The following SSR3 variants were observed in gnomAD, a reference collection of about 807,000 sequenced individuals.
SSR3 encodes the protein translocon-associated protein subunit gamma.
Under a neutral mutation model 22.1 loss-of-function variants are expected in SSR3, and 10 were observed. The observed-to-expected ratio is 0.45, with a 90% confidence interval of 0.28 to 0.77. SSR3 has a LOEUF of 0.77. Among genes scored for constraint, SSR3 ranks in the 30% least tolerant of loss-of-function variants. The pLI is 0.13. For missense variants in SSR3, 181 were observed against 220.5 expected (o/e 0.82, Z 1.13); for synonymous variants, 104 against 82.5 (o/e 1.26, Z -1.42).
Position 156,543,280 on chromosome 3 carries a change from T to C in SSR3, c.492-11A>G. 1.2e-6 allele frequency: 2 copies of C among 1,611,300 alleles called. No individual in the cohort carries two copies. The highest frequency in any genetic ancestry group is 2.2e-5 in the South Asian group (2 of 90,830). ...GACAATATGTAGTTCCTGTAAGAAA[T>C]TTAATGTTATGGAAAAATGAGTAAC... On this transcript the variant is annotated splice_polypyrimidine_tract_variant and intron_variant, in intron 4 of 4. Coordinates refer to ENST00000265044, the MANE Select transcript of SSR3 (RefSeq NM_007107.5).
Position 156,540,799 on chromosome 3 carries a change from T to A in SSR3, c.*2404A>T, listed in dbSNP as rs1296300876. On this transcript the variant is annotated 3_prime_UTR_variant, in exon 5 of 5. Transcript: ENST00000265044. ...TCATGGGTGCTGGGTATGTGGTCTTTTTAAGACAAAAATTCTACAGCATGG... is the reference window on the plus strand; with the variant it reads ...TCATGGGTGCTGGGTATGTGGTCTTATTAAGACAAAAATTCTACAGCATGG... 1 of 152,156 alleles carries A rather than the reference T, an allele frequency of 6.6e-6. No individual in the cohort carries two copies. Among genetic ancestry groups the A allele is most frequent in the East Asian group, 1.9e-4 (1 of 5,190 alleles). 9.4% of individuals were successfully genotyped at this position (152,156 alleles called of 1,614,324 possible).
rs533655560 is a variant in SSR3 at position 156,541,476 on chromosome 3, C to T, written c.*1727G>A. The T allele has an allele frequency of 1.6e-4, 24 of 152,128 alleles. No homozygotes were observed. The highest frequency in any genetic ancestry group is 1.4e-3 in the Admixed American group (21 of 15,270). The allele number at this position is 152,128 out of a possible 1,614,324, so 9.4% of individuals were successfully genotyped here. A position where few individuals can be genotyped will look rare whatever the true frequency, so the allele number is the denominator to read the frequency against. On this transcript the variant is annotated 3_prime_UTR_variant, in exon 5 of 5. Coordinates refer to ENST00000265044, the MANE Select transcript of SSR3 (RefSeq NM_007107.5). ...CCTTGCCACCCAGGCAGTAGTAGCA[C>T]GATCTCGACTCACCGCAACCTCTGC...
rs1208934257 is a variant in SSR3, at chr3:156,544,288, AT to A, written c.491+19del. ...TGTTTCTTGACTTCTAAAAAAGATA[AT>A]CAACCTTGAAAAGGATACACTGTGG... On this transcript the variant is annotated intron_variant, in intron 4 of 4. Coordinates refer to ENST00000265044, the MANE Select transcript of SSR3 (RefSeq NM_007107.5). The A allele has an allele frequency of 6.7e-7, 1 of 1,502,524 alleles. No homozygotes were observed. The highest frequency in any genetic ancestry group is 8.9e-7 in the Non-Finnish European group (1 of 1,126,026). 93.1% of individuals were successfully genotyped at this position (1,502,524 alleles called of 1,614,324 possible). A position where few individuals can be genotyped will look rare whatever the true frequency, so the allele number is the denominator to read the frequency against.
At position 156,541,226 on chromosome 3, in the gene SSR3, A is replaced by T. The variant is rs1286894600; in HGVS notation, c.*1977T>A. The T allele has an allele frequency of 6.6e-6, 1 of 152,214 alleles. No homozygotes were observed. The highest frequency in any genetic ancestry group is 6.5e-5 in the Admixed American group (1 of 15,288). The allele number at this position is 152,214 out of a possible 1,614,324, so 9.4% of individuals were successfully genotyped here. A position where few individuals can be genotyped will look rare whatever the true frequency, so the allele number is the denominator to read the frequency against. ...GTGGCAATTTTTTCCCCATCTATAC[A>T]GGCACTGCCATCTAGTGGCAAGTTT... On this transcript the variant is annotated 3_prime_UTR_variant, in exon 5 of 5. Coordinates refer to ENST00000265044, the MANE Select transcript of SSR3 (RefSeq NM_007107.5).
In SSR3 at chr3:156,539,735, T is replaced by G. The variant is rs189884990; in HGVS notation, c.*3468A>C. Among the ~76,000 whole-genome samples the G allele has an allele frequency of 4.5e-4, 69 of 152,260 alleles. No homozygotes were observed. Among genetic ancestry groups the G allele is most frequent in the Middle Eastern group, 3.4e-3 (1 of 294 alleles). On this transcript the variant is annotated 3_prime_UTR_variant, in exon 5 of 5. Coordinates refer to ENST00000265044, the MANE Select transcript of SSR3 (RefSeq NM_007107.5). ...CTGATACATCTATAAATTGGTTTTCTCCATAAATGTACACATACATGTATC... is the reference window on the plus strand; with the variant it reads ...CTGATACATCTATAAATTGGTTTTCGCCATAAATGTACACATACATGTATC...
At position 156,549,006 on chromosome 3, in the gene SSR3, G is replaced by A. The variant is rs1443211164; in HGVS notation, c.261-3C>T. On this transcript the variant is annotated splice_polypyrimidine_tract_variant and splice_region_variant and intron_variant, in intron 2 of 4. Transcript: ENST00000265044. Reference sequence around the variant, plus strand: ...CATCCTCCCTCTTCTGTGCTACTCTGGAAGAAAAAGAAAAAAAGAAAAAGT... The same window carrying A: ...CATCCTCCCTCTTCTGTGCTACTCTAGAAGAAAAAGAAAAAAAGAAAAAGT... 4.4e-6 allele frequency: 7 copies of A among 1,601,990 alleles called. No homozygotes were observed. Among genetic ancestry groups the A allele is most frequent in the Non-Finnish European group, 5.9e-6 (7 of 1,177,178 alleles).
rs1719514239 is a variant in SSR3 at position 156,541,638 on chromosome 3, G to GT, written c.*1564dup. On this transcript the variant is annotated 3_prime_UTR_variant, in exon 5 of 5. Transcript: ENST00000265044. ...CATGTTGGCCAGGAGTTCAAGAAAA[G>GT]TTTTTTAAAAATAATAAACCTCTAA... 1 of 151,968 alleles carries GT rather than the reference G, an allele frequency of 6.6e-6. No homozygotes were observed. The highest frequency in any genetic ancestry group is 1.5e-5 in the Non-Finnish European group (1 of 67,978). The allele number at this position is 151,968 out of a possible 1,614,324, so 9.4% of individuals were successfully genotyped here.
chr3:156,547,082 C>T (rs1006538820), intron 3 of SSR3, among the ~76,000 whole-genome samples: 1 of 152,112 alleles, frequency 6.6e-6, no homozygotes, highest in African/African-American at 2.4e-5. Context: ...AACTGTATCC[C>T]GTATGGCTTT....
intron 1 of SSR3, 121 bp from the exon 2 acceptor site, chr3:156,553,902 A>G: frequency 2.2e-6 from 2 of 909,416 alleles, no homozygotes; most frequent in Admixed American, 3.4e-5. Context: ...TAGTTATGCA[A>G]TCCAATAGTA....
intron 3 of SSR3, among the ~76,000 whole-genome samples, chr3:156,547,601 T>C (rs1431673586): frequency 6.6e-6 from 1 of 152,192 alleles, no homozygotes; most frequent in African/African-American, 2.4e-5. Flanking sequence ...AGCTGCTCCA[T>C]GCAGAAAGGC....
chr3:156,550,175 C>CT lies in SSR3; in HGVS notation c.261-1173dup, dbSNP rs967447262. 8.5e-5 allele frequency among the ~76,000 whole-genome samples: 13 copies of CT among 152,076 alleles called. No homozygotes were observed. In the East Asian group the frequency reaches 1.3e-3, roughly 16 times the overall value. On this transcript the variant is annotated intron_variant, in intron 2 of 4. Coordinates refer to ENST00000265044, the MANE Select transcript of SSR3 (RefSeq NM_007107.5). ...GTTTCTTGAACTTAACATCAGACAA[C>CT]TTTTTTTTCCACAAAAGACCAACTG...
Position 156,546,117 on chromosome 3 carries a change from G to A in SSR3, c.360-1678C>T, listed in dbSNP as rs145552766. Among the ~76,000 whole-genome samples the A allele has an allele frequency of 1.8e-4, 28 of 152,310 alleles. No individual in the cohort carries two copies. The East Asian group carries it at 5.4e-3, about 29-fold the overall frequency. ...CCCCACCCAAATCTCATCTTGAATT[G>A]TAATCCCCACATGTTGAGGGAGGGA... is the stretch of plus-strand genomic sequence containing the variant. On this transcript the variant is annotated intron_variant, in intron 3 of 4. Transcript: ENST00000265044.
intron 2 of SSR3, chr3:156,551,496 T>G (rs1409018094): frequency 6.7e-6 from 1 of 148,240 alleles, no homozygotes; most frequent in Non-Finnish European, 1.5e-5. Context: ...AATCCTGGAA[T>G]AGCAGCTGGT....
chr3:156,547,573 G>A (rs1024776198), intron 3 of SSR3, among the ~76,000 whole-genome samples: 12 of 152,162 alleles, frequency 7.9e-5, no homozygotes, highest in African/African-American at 2.4e-4. Context: ...GGAAAGCTAT[G>A]CAGCCCGACC....
rs1719361889 is a variant in SSR3, at chr3:156,539,875, TTACTG to T, written c.*3323_*3327del. Among the ~76,000 whole-genome samples, 2 of 152,326 alleles carry T rather than the reference TTACTG, an allele frequency of 1.3e-5. No homozygotes were observed. The highest frequency in any genetic ancestry group is 1.3e-4 in the Admixed American group (2 of 15,304). On this transcript the variant is annotated 3_prime_UTR_variant, in exon 5 of 5. Transcript: ENST00000265044. ...CTGGCAGAGGCCTGATGTCTGCCCT[TTACTG>T]TAACTGCTCAATGCCTTTCATTGCC...
intron 4 of SSR3, 32 bp from the exon 5 acceptor site, chr3:156,543,301 G>GT (rs1242875602): frequency 1.3e-6 from 2 of 1,583,874 alleles, no homozygotes; most frequent in Admixed American, 3.4e-5. Context: ...GGAAAAATGA[G>GT]TAACTCCAAA....
intron 3 of SSR3, among the ~76,000 whole-genome samples, chr3:156,546,917 TG>T (rs1392033455): frequency 1.3e-5 from 2 of 152,158 alleles, no homozygotes; most frequent in Non-Finnish European, 2.9e-5. Context: ...TCCAAATGAA[TG>T]TAGACAGAGC....
intron 3 of SSR3, among the ~76,000 whole-genome samples, chr3:156,545,832 T>A (rs1230656667): frequency 6.6e-6 from 1 of 152,208 alleles, no homozygotes; most frequent in African/African-American, 2.4e-5. Flanking sequence ...AGGAAACATG[T>A]CATTCTAACA....
chr3:156,542,167 G>A lies in SSR3; in HGVS notation c.*1036C>T, dbSNP rs372827869. 2 of 152,068 alleles carry A rather than the reference G, an allele frequency of 1.3e-5. No homozygotes were observed. Among genetic ancestry groups the A allele is most frequent in the Non-Finnish European group, 2.9e-5 (2 of 68,008 alleles). The allele number at this position is 152,068 out of a possible 1,614,324, so 9.4% of individuals were successfully genotyped here. On this transcript the variant is annotated 3_prime_UTR_variant, in exon 5 of 5. Transcript: ENST00000265044. ...CAAGAAATGATATCTGTACATACAC[G>A]GGTAAAAAAATGCAAGAGATTGCTC...
Sources: gnomAD v4.1 joint callset for allele counts (sites outside exome capture counted in the v4.1 genomes callset) on GRCh38, gnomAD v4.1.1 for gene constraint, MANE v1.5 for transcripts, NCBI Gene and HGNC (gene_info 2026-07-23, HGNC 2026-07-21) for gene names.